Variants in KLF12 observed in about 807,000 individuals in gnomAD.
KLF12 encodes Krueppel-like factor 12.
Under a neutral mutation model 37.8 loss-of-function variants are expected in KLF12, and 9 were observed. That is an observed-to-expected ratio of 0.24 (90% CI 0.14 to 0.42). KLF12 has a LOEUF of 0.42. KLF12 is among the 10% of genes least tolerant of loss of function. The pLI is 1.00. For missense variants in KLF12, 411 were observed against 516.0 expected (o/e 0.80, Z 1.97); for synonymous variants, 208 against 202.1 (o/e 1.03, Z -0.25).
intron 4 of KLF12, among the ~76,000 whole-genome samples, chr13:73,824,070 C>G (rs1407060429): frequency 6.6e-6 from 1 of 152,064 alleles, no homozygotes; most frequent in African/African-American, 2.4e-5. Flanking sequence ...TGTCCCTACA[C>G]CCTGAACACG....
At chr13:73,955,639 T>C (rs968123418) in intron 2 of KLF12, among the ~76,000 whole-genome samples, 1 of 152,230 alleles carries the variant, frequency 6.6e-6, no homozygotes, top group Non-Finnish European at 1.5e-5. Context: ...ATAAAAAGCT[T>C]TACTGGTTCT....
chr13:73,947,096 T>C (rs997455843), intron 2 of KLF12, among the ~76,000 whole-genome samples: 5 of 152,234 alleles, frequency 3.3e-5, no homozygotes, highest in African/African-American at 1.2e-4. Flanking sequence ...TGCTGTGGAA[T>C]CAATAGCTCA....
intron 4 of KLF12, among the ~76,000 whole-genome samples, chr13:73,845,391 A>G (rs1436850965): frequency 2.0e-5 from 3 of 152,200 alleles, no homozygotes; most frequent in African/African-American, 7.2e-5. Context: ...GTATATTATT[A>G]TCACCTAAAT....
At chr13:73,949,226 T>C (rs138806410) in intron 2 of KLF12, among the ~76,000 whole-genome samples, 1,709 of 152,230 alleles carry the variant, frequency 0.011, 38 homozygotes, top group African/African-American at 0.038. Flanking sequence ...TCTATATCAA[T>C]ATGCACTCCT....
At chr13:73,806,646 A>G (rs1453991334) in intron 5 of KLF12, among the ~76,000 whole-genome samples, 1 of 138,652 alleles carries the variant, frequency 7.2e-6, no homozygotes, top group Non-Finnish European at 1.6e-5. Flanking sequence ...GCAAAAAAAC[A>G]AACAAAAAAA....
chr13:74,253,564 A>G, the KLF12 span, among the ~76,000 whole-genome samples: 1 of 152,206 alleles, frequency 6.6e-6, no homozygotes, highest in African/African-American at 2.4e-5. Context: ...TTAAGTAGCT[A>G]TGTATCAATT....
chr13:73,991,157 A>G (rs752814560), intron 2 of KLF12, among the ~76,000 whole-genome samples: 12 of 152,232 alleles, frequency 7.9e-5, no homozygotes, highest in Admixed American at 5.2e-4. Context: ...ATTCAAGACG[A>G]TATTTTAATA....
intron 3 of KLF12, among the ~76,000 whole-genome samples, chr13:73,923,778 G>T (rs1889235576): frequency 6.6e-6 from 1 of 152,148 alleles, no homozygotes; most frequent in Non-Finnish European, 1.5e-5. Flanking sequence ...TCCTGATTTG[G>T]TAGGTCTGGC....
intron 1 of KLF12, among the ~76,000 whole-genome samples, chr13:74,057,778 A>G (rs1873330625): frequency 6.6e-6 from 1 of 152,150 alleles, no homozygotes; most frequent in South Asian, 2.1e-4. Context: ...TTTGTTATAC[A>G]TAAGGGAAAT....
At chr13:74,121,061 AG>A (rs1288901488) in intron 1 of KLF12, among the ~76,000 whole-genome samples, 2 of 152,282 alleles carry the variant, frequency 1.3e-5, no homozygotes, top group African/African-American at 4.8e-5. Context: ...TCCAAATAAA[AG>A]TTAGAGATGG....
intron 3 of KLF12, among the ~76,000 whole-genome samples, chr13:73,873,500 A>G (rs113331787): frequency 2.6e-5 from 4 of 152,278 alleles, no homozygotes; most frequent in African/African-American, 4.8e-5. Context: ...AGCAACTTAG[A>G]TAGTAATGCT....
chr13:73,785,609 AT>A (rs537464774), intron 5 of KLF12, among the ~76,000 whole-genome samples: 1,728 of 143,230 alleles, frequency 0.012, 15 homozygotes, highest in South Asian at 0.037. Context: ...ATCTCTGCCC[AT>A]TTTTTTTTTT....
intron 4 of KLF12, among the ~76,000 whole-genome samples, chr13:73,839,379 G>A (rs962535588): frequency 4.6e-5 from 7 of 151,508 alleles, no homozygotes; most frequent in Non-Finnish European, 7.4e-5. Context: ...CTGGGAATAC[G>A]GGCATGAGCC....
At chr13:74,255,017 G>A in the KLF12 span, among the ~76,000 whole-genome samples, 1 of 152,158 alleles carries the variant, frequency 6.6e-6, no homozygotes, top group Non-Finnish European at 1.5e-5. Flanking sequence ...AAGAATGTTG[G>A]AGAAAAGATT....
intron 4 of KLF12, among the ~76,000 whole-genome samples, chr13:73,834,211 C>T (rs956052753): frequency 6.6e-6 from 1 of 152,046 alleles, no homozygotes; most frequent in Non-Finnish European, 1.5e-5. Flanking sequence ...ATATAAGCAC[C>T]ACAGTTCTCA....
At chr13:73,916,241 G>A (rs76645368) in intron 3 of KLF12, among the ~76,000 whole-genome samples, 1,418 of 30,654 alleles carry the variant, frequency 0.046, 33 homozygotes, top group African/African-American at 0.12. Flanking sequence ...ACACACACAC[G>A]CACACGCACA....
chr13:74,208,567 T>G, the KLF12 span, among the ~76,000 whole-genome samples: 1 of 152,192 alleles, frequency 6.6e-6, no homozygotes, highest in African/African-American at 2.4e-5. Context: ...GTCCTTAGAT[T>G]CCAAAGACTC....
intron 6 of KLF12, among the ~76,000 whole-genome samples, chr13:73,728,220 T>C (rs57598107): frequency 0.024 from 3,692 of 152,340 alleles, 47 homozygotes; most frequent in South Asian, 0.074. Context: ...TTTCATGCTA[T>C]TGTAAATGAA....
intron 3 of KLF12, among the ~76,000 whole-genome samples, chr13:73,918,595 C>T (rs1308973638): frequency 6.6e-6 from 1 of 152,134 alleles, no homozygotes; most frequent in African/African-American, 2.4e-5. Context: ...CTAGATATAA[C>T]CCAAACTCAT....
Sources: allele counts gnomAD v4.1 joint callset (sites outside exome capture counted in the v4.1 genomes callset), GRCh38; gene constraint gnomAD v4.1.1; transcripts MANE v1.5; gene names NCBI Gene and HGNC (gene_info 2026-07-23, HGNC 2026-07-21).